Variants in ANKRD30BL observed in about 807,000 individuals in gnomAD.
ANKRD30BL encodes putative ankyrin repeat domain-containing protein 30B-like.
ANKRD30BL carries 20 observed loss-of-function variants against 18.4 expected under a neutral mutation model. The ratio of observed to expected loss-of-function variants is 1.09; its 90% CI spans 0.77 to 1.58. The LOEUF is 1.58. ANKRD30BL is among the 40% of genes most tolerant of loss of function. The probability of loss-of-function intolerance (pLI) is 0.00; values close to 1 mark genes in which losing one functional copy is unlikely to be tolerated. For synonymous variants in ANKRD30BL, 72 were observed against 100.9 expected, an observed-to-expected ratio of 0.71 and a Z score of 1.72; for missense variants, 224 against 268.6, an observed-to-expected ratio of 0.83 and a Z score of 1.16.
chr2:132,203,373 TA>T (rs1335034442), intron 1 of ANKRD30BL, among the ~76,000 whole-genome samples: 1 of 152,230 alleles, frequency 6.6e-6, no homozygotes, highest in East Asian at 1.9e-4. Flanking sequence ...TTTTAATAAA[TA>T]ACTAGGGAGG....
intron 4 of ANKRD30BL, chr2:132,153,819 T>C (rs13431614): frequency 0.22 from 81,771 of 373,084 alleles, 14,597 homozygotes; most frequent in African/African-American, 0.61. Flanking sequence ...CAAGTGTTTA[T>C]CCTTGTAAAT....
intron 1 of ANKRD30BL, among the ~76,000 whole-genome samples, chr2:132,222,301 C>T (rs1014348347): frequency 2.6e-5 from 4 of 151,924 alleles, no homozygotes; most frequent in African/African-American, 9.7e-5. Flanking sequence ...AGTGAGGAGC[C>T]CCTCTGCCCG....
chr2:132,201,946 G>A (rs1375981603), intron 1 of ANKRD30BL, among the ~76,000 whole-genome samples: 2 of 152,174 alleles, frequency 1.3e-5, no homozygotes, highest in Non-Finnish European at 2.9e-5. Flanking sequence ...TATACACCAC[G>A]GAATACTATG....
intron 1 of ANKRD30BL, among the ~76,000 whole-genome samples, chr2:132,194,102 C>T (rs1438274046): frequency 2.0e-5 from 3 of 151,822 alleles, no homozygotes; most frequent in East Asian, 1.9e-4. Flanking sequence ...CTCCCCACTC[C>T]GATACTCTCT....
At chr2:132,225,764 A>T (rs2104776460) in intron 1 of ANKRD30BL, among the ~76,000 whole-genome samples, 1 of 151,994 alleles carries the variant, frequency 6.6e-6, no homozygotes, top group Admixed American at 6.6e-5. Context: ...GGTTTCAAAC[A>T]CTCTTTTTGT....
chr2:132,249,553 A>C (rs988963713), intron 1 of ANKRD30BL, among the ~76,000 whole-genome samples: 2 of 151,956 alleles, frequency 1.3e-5, no homozygotes, highest in African/African-American at 4.8e-5. Flanking sequence ...CAAAGTGCTC[A>C]ATCAGAAGAA....
At chr2:132,162,384 C>T (rs1688099612), upstream of ANKRD30BL, among the ~76,000 whole-genome samples, 1 of 152,204 alleles carries the variant, frequency 6.6e-6, no homozygotes, top group African/African-American at 2.4e-5. Flanking sequence ...ATGGTAGAGG[C>T]TACAGGGTTG....
At chr2:132,178,073 T>A (rs1688395870) in intron 1 of ANKRD30BL, among the ~76,000 whole-genome samples, 1 of 152,168 alleles carries the variant, frequency 6.6e-6, no homozygotes, top group Admixed American at 6.6e-5. Context: ...TTTCTAAGAG[T>A]AATACTGGAA....
chr2:132,230,233 G>A (rs878952149), intron 1 of ANKRD30BL, among the ~76,000 whole-genome samples: 1 of 151,876 alleles, frequency 6.6e-6, no homozygotes, highest in Non-Finnish European at 1.5e-5. Flanking sequence ...CAGTTTTGAA[G>A]CAGTCTTTTA....
intron 1 of ANKRD30BL, among the ~76,000 whole-genome samples, chr2:132,161,255 T>C (rs1395982862): frequency 6.6e-6 from 1 of 152,096 alleles, no homozygotes; most frequent in South Asian, 2.1e-4. Flanking sequence ...AAGTTTGGGG[T>C]TGATTTTAAG....
intron 1 of ANKRD30BL, among the ~76,000 whole-genome samples, chr2:132,256,748 C>A (rs1365413519): frequency 1.3e-5 from 2 of 152,256 alleles, no homozygotes; most frequent in Non-Finnish European, 2.9e-5. Context: ...GTCCCGAAGG[C>A]GCACGCCCGG....
At chr2:132,151,198 C>T (rs890651857) in intron 4 of ANKRD30BL, among the ~76,000 whole-genome samples, 2 of 152,092 alleles carry the variant, frequency 1.3e-5, no homozygotes, top group Non-Finnish European at 2.9e-5. Flanking sequence ...GGCAGTATAA[C>T]TCAGTAAATT....
intron 1 of ANKRD30BL, among the ~76,000 whole-genome samples, chr2:132,233,211 G>A (rs1454802956): frequency 6.6e-6 from 1 of 151,912 alleles, no homozygotes; most frequent in African/African-American, 2.4e-5. Flanking sequence ...GGAACAACCA[G>A]TACCAGCCAC....
chr2:132,239,713 A>C (rs537612201), intron 1 of ANKRD30BL, among the ~76,000 whole-genome samples: 2 of 151,764 alleles, frequency 1.3e-5, no homozygotes, highest in Non-Finnish European at 2.9e-5. Context: ...AGAGTTGAAC[A>C]TTCCCTTTCA....
At chr2:132,183,129 C>T (rs1340322130) in intron 1 of ANKRD30BL, among the ~76,000 whole-genome samples, 2 of 141,860 alleles carry the variant, frequency 1.4e-5, no homozygotes, top group Non-Finnish European at 3.0e-5. Context: ...TTACCCTAGA[C>T]AAAGTAGCTT....
intron 1 of ANKRD30BL, among the ~76,000 whole-genome samples, chr2:132,214,804 G>A (rs1429339305): frequency 2.0e-5 from 3 of 151,746 alleles, no homozygotes; most frequent in Non-Finnish European, 2.9e-5. Context: ...GTGGACATTT[G>A]GAGTGCTTTG....
chr2:132,182,026 G>A (rs995663429), intron 1 of ANKRD30BL, among the ~76,000 whole-genome samples: 2 of 151,992 alleles, frequency 1.3e-5, no homozygotes, highest in African/African-American at 4.8e-5. Context: ...TAGGAGAATG[G>A]CTTTAACCCG....
intron 1 of ANKRD30BL, among the ~76,000 whole-genome samples, chr2:132,190,069 C>T (rs1248496180): frequency 2.0e-5 from 3 of 151,872 alleles, no homozygotes; most frequent in Non-Finnish European, 2.9e-5. Context: ...AATATTCTCA[C>T]CTTTGAGTAT....
upstream of ANKRD30BL, among the ~76,000 whole-genome samples, chr2:132,164,205 T>C (rs1162689737): frequency 6.6e-6 from 1 of 152,048 alleles, no homozygotes; most frequent in Non-Finnish European, 1.5e-5. Context: ...CCAGATCACA[T>C]GAGTTGTTTG....
Sources: allele counts gnomAD v4.1 joint callset (sites outside exome capture counted in the v4.1 genomes callset), GRCh38; gene constraint gnomAD v4.1.1; transcripts MANE v1.5; gene names NCBI Gene and HGNC (gene_info 2026-07-23, HGNC 2026-07-21).